The following KIAA1217 variants were observed in gnomAD, a reference collection of about 807,000 sequenced individuals.
KIAA1217 encodes the protein sickle tail protein homolog.
Under a neutral mutation model 163.9 loss-of-function variants are expected in KIAA1217, and 88 were observed. The ratio of observed to expected loss-of-function variants is 0.54; its 90% CI spans 0.45 to 0.64. The LOEUF (loss-of-function observed/expected upper bound fraction) is 0.64, where lower values mean the gene tolerates loss of function less well. Ranked by LOEUF, KIAA1217 falls within the 30% of genes least tolerant of loss-of-function variation. KIAA1217 has a pLI of 0.00. For missense variants in KIAA1217, 2,372 were observed against 2,475.0 expected (o/e 0.96, Z 0.88); for synonymous variants, 903 against 923.1 (o/e 0.98, Z 0.39).
intron 1 of KIAA1217, among the ~76,000 whole-genome samples, chr10:23,880,398 A>G (rs561446914): frequency 2.6e-5 from 4 of 152,114 alleles, no homozygotes; most frequent in Admixed American, 6.5e-5. Flanking sequence ...GCTAAAAATT[A>G]AAACAATTGA....
chr10:24,170,727 G>A (rs187119818), intron 2 of KIAA1217, among the ~76,000 whole-genome samples: 161 of 152,316 alleles, frequency 1.1e-3, no homozygotes, highest in African/African-American at 3.7e-3. Context: ...ATTCCGAGTT[G>A]ACTAGAAGTT....
chr10:24,428,686 C>A (rs1436814839), intron 3 of KIAA1217, among the ~76,000 whole-genome samples: 1 of 151,692 alleles, frequency 6.6e-6, no homozygotes, highest in African/African-American at 2.4e-5. Context: ...CAGGTAGTCT[C>A]ATAGGTACTA....
intron 3 of KIAA1217, among the ~76,000 whole-genome samples, chr10:24,431,012 T>A (rs1297238960): frequency 6.6e-6 from 1 of 152,232 alleles, no homozygotes; most frequent in Non-Finnish European, 1.5e-5. Context: ...GTTGGGAGCC[T>A]CATTTCCTGA....
intron 2 of KIAA1217, among the ~76,000 whole-genome samples, chr10:24,356,800 C>G (rs537097069): frequency 6.6e-6 from 1 of 152,294 alleles, no homozygotes; most frequent in African/African-American, 2.4e-5. Flanking sequence ...CTTCCAGCAT[C>G]CAGAACCATG....
At position 24,443,259 on chromosome 10, in the gene KIAA1217, C is replaced by T. The variant is rs555539959; in HGVS notation, c.846+4780C>T. On this transcript the variant is annotated intron_variant, in intron 5 of 20. Coordinates refer to ENST00000376454, the MANE Select transcript of KIAA1217 (RefSeq NM_019590.5). ...CTTTTGAGCCAGGTCTTGGTATAAG[C>T]CCCCCTGTTTACAGATGATGAGACA... Among the ~76,000 whole-genome samples the T allele has an allele frequency of 3.9e-5, 6 of 152,096 alleles. No individual in the cohort carries two copies. In the South Asian group the frequency reaches 1.0e-3, roughly 26 times the overall value.
chr10:24,302,994 T>C (rs2041558047), intron 2 of KIAA1217, among the ~76,000 whole-genome samples: 1 of 152,116 alleles, frequency 6.6e-6, no homozygotes, highest in Admixed American at 6.6e-5. Context: ...ATTTTTACTC[T>C]GAGTAAGAGG....
chr10:24,455,690 A>C (rs2061716354), intron 5 of KIAA1217, among the ~76,000 whole-genome samples: 1 of 152,238 alleles, frequency 6.6e-6, no homozygotes, highest in Non-Finnish European at 1.5e-5. Context: ...ATGTTCTCCC[A>C]GGTGGTAAGA....
chr10:24,191,747 T>C (rs1295533328), intron 2 of KIAA1217, among the ~76,000 whole-genome samples: 1 of 152,118 alleles, frequency 6.6e-6, no homozygotes, highest in African/African-American at 2.4e-5. Context: ...AAGAGAAAAG[T>C]GTACAAATTT....
At chr10:24,197,848 C>T (rs972583298) in intron 2 of KIAA1217, among the ~76,000 whole-genome samples, 2 of 152,226 alleles carry the variant, frequency 1.3e-5, no homozygotes, top group African/African-American at 2.4e-5. Flanking sequence ...CTCCATGGTG[C>T]TTGCAGGACA....
intron 14 of KIAA1217, among the ~76,000 whole-genome samples, chr10:24,530,095 C>A (rs1468354117): frequency 6.6e-6 from 1 of 152,146 alleles, no homozygotes; most frequent in Non-Finnish European, 1.5e-5. Flanking sequence ...CCGGCCAGCT[C>A]ATCACATTTT....
At chr10:24,034,462 C>G (rs1216276826) in intron 2 of KIAA1217, among the ~76,000 whole-genome samples, 1 of 151,060 alleles carries the variant, frequency 6.6e-6, no homozygotes, top group African/African-American at 2.4e-5. Flanking sequence ...ACTCAAGAAG[C>G]TGAGGTGGGA....
chr10:23,749,834 G>C (rs907614374), intron 1 of KIAA1217, among the ~76,000 whole-genome samples: 2 of 152,186 alleles, frequency 1.3e-5, no homozygotes, highest in African/African-American at 4.8e-5. Flanking sequence ...GTGAGGTCCA[G>C]ACAGTTATCT....
chr10:23,980,212 G>C (rs1019406283), intron 1 of KIAA1217, among the ~76,000 whole-genome samples: 2 of 152,112 alleles, frequency 1.3e-5, no homozygotes, highest in South Asian at 4.1e-4. Flanking sequence ...CCCGAGAATG[G>C]GACACTCTCA....
chr10:24,164,254 T>A (rs192650097), intron 2 of KIAA1217, among the ~76,000 whole-genome samples: 202 of 152,302 alleles, frequency 1.3e-3, no homozygotes, highest in African/African-American at 4.7e-3. Context: ...CCCCAGGACA[T>A]TTGTACTTGC....
chr10:23,777,920 C>T (rs1835076007), intron 1 of KIAA1217, among the ~76,000 whole-genome samples: 1 of 152,038 alleles, frequency 6.6e-6, no homozygotes, highest in Admixed American at 6.6e-5. Flanking sequence ...GACTACCAGT[C>T]TTAACTACGG....
chr10:24,388,596 A>G (rs968249943), intron 3 of KIAA1217, among the ~76,000 whole-genome samples: 2 of 152,202 alleles, frequency 1.3e-5, no homozygotes, highest in African/African-American at 4.8e-5. Flanking sequence ...GTACAGCAAA[A>G]GAAACTACCA....
At chr10:24,226,620 T>C (rs538729172) in intron 2 of KIAA1217, among the ~76,000 whole-genome samples, 2 of 151,674 alleles carry the variant, frequency 1.3e-5, no homozygotes, top group South Asian at 4.2e-4. Context: ...CCAGCCTGGG[T>C]GACAGAGCGA....
intron 2 of KIAA1217, among the ~76,000 whole-genome samples, chr10:24,344,151 T>C (rs887243495): frequency 6.6e-5 from 10 of 152,176 alleles, no homozygotes; most frequent in Non-Finnish European, 8.8e-5. Flanking sequence ...AATTTTGCCC[T>C]TATAATAAGC....
At chr10:24,050,508 C>T (rs1232490406) in intron 2 of KIAA1217, among the ~76,000 whole-genome samples, 1 of 151,980 alleles carries the variant, frequency 6.6e-6, no homozygotes, top group African/African-American at 2.4e-5. Context: ...GGTCCAGTTT[C>T]AGTTTTCTGC....
Sources: allele counts gnomAD v4.1 joint callset (sites outside exome capture counted in the v4.1 genomes callset), GRCh38; gene constraint gnomAD v4.1.1; transcripts MANE v1.5; gene names NCBI Gene and HGNC (gene_info 2026-07-23, HGNC 2026-07-21).